The following SH3GL2 variants were observed in gnomAD, a reference collection of about 807,000 sequenced individuals.
The protein encoded by SH3GL2 is SH3 domain containing GRB2 like 2, endophilin A1, also known as endophilin-A1.
SH3GL2 carries 24 observed loss-of-function variants against 46.0 expected under a neutral mutation model. That is an observed-to-expected ratio of 0.52 (90% CI 0.38 to 0.73). The LOEUF (loss-of-function observed/expected upper bound fraction) is 0.73. SH3GL2 is among the 30% of genes least tolerant of loss of function. The pLI is 0.00. For missense variants in SH3GL2, 413 were observed against 424.2 expected (o/e 0.97, Z 0.23); for synonymous variants, 196 against 147.1 (o/e 1.33, Z -2.40).
intron 1 of SH3GL2, among the ~76,000 whole-genome samples, chr9:17,645,987 T>C (rs1819807013): frequency 6.6e-6 from 1 of 152,074 alleles, no homozygotes; most frequent in African/African-American, 2.4e-5. Context: ...GGTTCCGTTT[T>C]CCCCATCACT....
At chr9:17,663,128 C>G (rs1185680627) in intron 1 of SH3GL2, among the ~76,000 whole-genome samples, 1 of 152,160 alleles carries the variant, frequency 6.6e-6, no homozygotes, top group Non-Finnish European at 1.5e-5. Context: ...TGAAAAGCCA[C>G]TTTTTATTTC....
At chr9:17,769,528 G>A (rs1057458420) in intron 3 of SH3GL2, among the ~76,000 whole-genome samples, 2 of 151,836 alleles carry the variant, frequency 1.3e-5, no homozygotes, top group Non-Finnish European at 2.9e-5. Flanking sequence ...CCTGCCTCGG[G>A]GTCTTTGCAC....
intron 1 of SH3GL2, among the ~76,000 whole-genome samples, chr9:17,586,341 G>T (rs974185381): frequency 6.6e-6 from 1 of 152,098 alleles, no homozygotes; most frequent in African/African-American, 2.4e-5. Flanking sequence ...GACACTGAAG[G>T]ACCTCTAGGC....
intron 1 of SH3GL2, among the ~76,000 whole-genome samples, chr9:17,674,509 G>A (rs541533413): frequency 3.3e-5 from 5 of 152,130 alleles, no homozygotes; most frequent in Admixed American, 2.6e-4. Flanking sequence ...CAAACAATCT[G>A]CCCACCTTGG....
At chr9:17,651,061 T>C (rs1426390956) in intron 1 of SH3GL2, among the ~76,000 whole-genome samples, 1 of 152,152 alleles carries the variant, frequency 6.6e-6, no homozygotes, top group African/African-American at 2.4e-5. Flanking sequence ...ACACCTATTT[T>C]GTTTCTTGGC....
chr9:17,684,578 T>C (rs1036841571), intron 1 of SH3GL2, among the ~76,000 whole-genome samples: 1 of 151,986 alleles, frequency 6.6e-6, no homozygotes. Context: ...AGTACAGTTT[T>C]CCCAAACTAA....
At chr9:17,618,024 G>C (rs1819045943) in intron 1 of SH3GL2, among the ~76,000 whole-genome samples, 1 of 152,168 alleles carries the variant, frequency 6.6e-6, no homozygotes, top group South Asian at 2.1e-4. Context: ...TCTAAAATAA[G>C]CTGCACTACA....
intron 1 of SH3GL2, among the ~76,000 whole-genome samples, chr9:17,668,584 G>A (rs1820398848): frequency 6.6e-6 from 1 of 152,138 alleles, no homozygotes; most frequent in Non-Finnish European, 1.5e-5. Flanking sequence ...AGTTATGGGG[G>A]AATTCACCCA....
At chr9:17,683,520 A>T (rs1002834545) in intron 1 of SH3GL2, among the ~76,000 whole-genome samples, 1 of 152,046 alleles carries the variant, frequency 6.6e-6, no homozygotes, top group Non-Finnish European at 1.5e-5. Context: ...TCAAAGAAAT[A>T]TTATCCACTG....
intron 1 of SH3GL2, among the ~76,000 whole-genome samples, chr9:17,598,746 T>C (rs1452545793): frequency 1.3e-5 from 2 of 152,224 alleles, no homozygotes; most frequent in East Asian, 3.9e-4. Flanking sequence ...CTCCTTCAGT[T>C]GGTCTCTAAA....
chr9:17,605,475 T>C (rs1044183489), intron 1 of SH3GL2, among the ~76,000 whole-genome samples: 1 of 152,044 alleles, frequency 6.6e-6, no homozygotes, highest in African/African-American at 2.4e-5. Context: ...CAGTATATGA[T>C]AGGGGTAAGA....
chr9:17,707,756 A>G (rs1821509235), intron 1 of SH3GL2, among the ~76,000 whole-genome samples: 1 of 152,068 alleles, frequency 6.6e-6, no homozygotes, highest in East Asian at 1.9e-4. Flanking sequence ...TTACACCTAA[A>G]TCCTTATGTC....
Position 17,614,295 on chromosome 9 carries a change from G to GGAAAAAAAAAAAAAA in SH3GL2, c.45+35008_45+35009insGAAAAAAAAAAAAAA, listed in dbSNP as rs762920242. The stretch of plus-strand genomic sequence containing the variant: ...GTGACAGGGAACATGCATGGTTTCT[G>GGAAAAAAAAAAAAAA]AAAAAAAAAAAAAAAAAAAAAAAAA... On this transcript the variant is annotated intron_variant, in intron 1 of 8. Coordinates refer to ENST00000380607, the MANE Select transcript of SH3GL2 (RefSeq NM_003026.5). Among the ~76,000 whole-genome samples the GGAAAAAAAAAAAAAA allele has an allele frequency of 3.6e-4, 25 of 70,302 alleles. 1 individual carries two copies. In the East Asian group the frequency reaches 3.6e-3, roughly 10 times the overall value. The allele number at this position is 70,302 out of a possible 152,430, so 46.1% of individuals were successfully genotyped here.
chr9:17,782,125 T>C (rs1390113553), intron 3 of SH3GL2, among the ~76,000 whole-genome samples: 1 of 152,192 alleles, frequency 6.6e-6, no homozygotes, highest in East Asian at 1.9e-4. Context: ...AATGACTATA[T>C]TCAACCAGGC....
chr9:17,756,157 T>G (rs1229487099), intron 2 of SH3GL2, among the ~76,000 whole-genome samples: 2 of 152,208 alleles, frequency 1.3e-5, no homozygotes, highest in Non-Finnish European at 2.9e-5. Flanking sequence ...TATCTAAGGA[T>G]GCTGAAATGT....
At chr9:17,655,861 C>T (rs931504543) in intron 1 of SH3GL2, among the ~76,000 whole-genome samples, 1 of 152,152 alleles carries the variant, frequency 6.6e-6, no homozygotes, top group Admixed American at 6.5e-5. Context: ...CTGATGCATT[C>T]CAAGAGGAGG....
chr9:17,739,683 C>T (rs1471742310), intron 1 of SH3GL2, among the ~76,000 whole-genome samples: 2 of 152,186 alleles, frequency 1.3e-5, no homozygotes, highest in East Asian at 3.9e-4. Flanking sequence ...AAACAGGAAA[C>T]CTTGCAAACG....
intron 3 of SH3GL2, among the ~76,000 whole-genome samples, chr9:17,776,691 A>ATTTATTTTATTTT (rs1823649348): frequency 6.6e-6 from 1 of 150,792 alleles, no homozygotes. Context: ...TAAGCCAAGA[A>ATTTATTTTATTTT]GTATGATAAT....
At chr9:17,778,867 T>C (rs377717759) in intron 3 of SH3GL2, among the ~76,000 whole-genome samples, 30 of 152,134 alleles carry the variant, frequency 2.0e-4, no homozygotes, top group African/African-American at 6.5e-4. Context: ...GAAGAATGAA[T>C]GGAGTTGTAT....
Sources: allele counts gnomAD v4.1 joint callset (sites outside exome capture counted in the v4.1 genomes callset), GRCh38; gene constraint gnomAD v4.1.1; transcripts MANE v1.5; gene names NCBI Gene and HGNC (gene_info 2026-07-23, HGNC 2026-07-21).